ASIC2: variants seen among roughly 807,000 people sequenced by gnomAD.
ASIC2 encodes the protein acid-sensing ion channel 2.
A neutral mutation model predicts 57.3 loss-of-function variants in ASIC2; 25 were observed. The ratio of observed to expected loss-of-function variants is 0.44; its 90% CI spans 0.32 to 0.61. The LOEUF is 0.61. Ranked by LOEUF, ASIC2 falls within the 20% of genes least tolerant of loss-of-function variation. The probability of loss-of-function intolerance (pLI) is 0.06; values close to 1 mark genes in which losing one functional copy is unlikely to be tolerated. For synonymous variants in ASIC2, 319 were observed against 307.5 expected (o/e 1.04, Z -0.39); for missense variants, 641 against 738.1 (o/e 0.87, Z 1.52).
chr17:33,223,818 C>G lies in ASIC2; in HGVS notation c.708+67590G>C, dbSNP rs1268457454. On this transcript the variant is annotated intron_variant, in intron 1 of 9. Transcript: ENST00000225823. Reference sequence around the variant, plus strand: ...GCACCCCAAATCTTACTAGGAGCCTCCTCCATGCCGGATGCTTTGCTAGGA... The same window carrying G: ...GCACCCCAAATCTTACTAGGAGCCTGCTCCATGCCGGATGCTTTGCTAGGA... 2.0e-5 allele frequency among the ~76,000 whole-genome samples: 3 copies of G among 152,192 alleles called. No homozygotes were observed. The East Asian group carries it at 5.8e-4, about 29-fold the overall frequency.
At chr17:33,552,873 G>A (rs1025472673) in intron 1 of ASIC2, among the ~76,000 whole-genome samples, 2 of 152,242 alleles carry the variant, frequency 1.3e-5, no homozygotes, top group Non-Finnish European at 2.9e-5. Context: ...TGGTGGAAAT[G>A]TTTCCCCAGG....
At chr17:34,067,767 T>A (rs930429843) in intron 1 of ASIC2, among the ~76,000 whole-genome samples, 4 of 152,200 alleles carry the variant, frequency 2.6e-5, no homozygotes, top group African/African-American at 9.6e-5. Context: ...AAGACATCCA[T>A]GATATGTTTT....
intron 1 of ASIC2, among the ~76,000 whole-genome samples, chr17:34,154,948 G>A (rs1598050332): frequency 1.3e-5 from 2 of 152,170 alleles, no homozygotes; most frequent in South Asian, 4.2e-4. Context: ...GTTATGCCTA[G>A]CAGCCCACTA....
At chr17:33,114,911 G>T (rs1221687821) in intron 1 of ASIC2, among the ~76,000 whole-genome samples, 1 of 152,206 alleles carries the variant, frequency 6.6e-6, no homozygotes, top group Non-Finnish European at 1.5e-5. Context: ...GTCTAGCGGG[G>T]TGCTAAGATC....
intron 1 of ASIC2, among the ~76,000 whole-genome samples, chr17:33,536,860 G>A (rs766907927): frequency 2.6e-5 from 4 of 152,104 alleles, no homozygotes; most frequent in Non-Finnish European, 4.4e-5. Context: ...TTAGCCAGGT[G>A]TGGTAGCACT....
chr17:33,027,344 G>C (rs1044385206), intron 4 of ASIC2, among the ~76,000 whole-genome samples: 3 of 152,170 alleles, frequency 2.0e-5, no homozygotes, highest in Non-Finnish European at 2.9e-5. Context: ...TGAACCAAAT[G>C]TCCAGTATAA....
intron 1 of ASIC2, among the ~76,000 whole-genome samples, chr17:33,240,872 A>G (rs187843934): frequency 2.1e-3 from 316 of 152,228 alleles, no homozygotes; most frequent in Non-Finnish European, 3.6e-3. Flanking sequence ...AAACAAACAA[A>G]CAAAAAAACA....
At chr17:33,718,630 G>GC (rs1353485495) in intron 1 of ASIC2, among the ~76,000 whole-genome samples, 1 of 152,166 alleles carries the variant, frequency 6.6e-6, no homozygotes, top group Admixed American at 6.5e-5. Context: ...GCAGACACCT[G>GC]TTTTTGCTCC....
intron 1 of ASIC2, among the ~76,000 whole-genome samples, chr17:33,544,420 T>C (rs1474108251): frequency 6.6e-6 from 1 of 152,230 alleles, no homozygotes; most frequent in Non-Finnish European, 1.5e-5. Context: ...TGGAAATTCC[T>C]GGGTCTCAGG....
chr17:33,055,579 A>G (rs765841), intron 3 of ASIC2, among the ~76,000 whole-genome samples: 61,973 of 152,020 alleles, frequency 0.41, 13,528 homozygotes, highest in East Asian at 0.65. Flanking sequence ...TGGCATGATC[A>G]TAGCTCACTG....
chr17:33,102,210 C>T (rs2092214656), intron 2 of ASIC2, among the ~76,000 whole-genome samples: 1 of 152,176 alleles, frequency 6.6e-6, no homozygotes, highest in African/African-American at 2.4e-5. Flanking sequence ...AAACCAAATT[C>T]TACTCTCACA....
rs1369272648 is a variant in ASIC2 at position 33,418,024 on chromosome 17, ATGTATGTGTGTGTGTGTG to A, written c.556-305975_556-305958del. Among the ~76,000 whole-genome samples, 37 of 110,248 alleles carry A rather than the reference ATGTATGTGTGTGTGTGTG, an allele frequency of 3.4e-4. 1 individual carries two copies. The highest frequency in any genetic ancestry group is 6.2e-4 in the Non-Finnish European group (29 of 46,470). The allele number at this position is 110,248 out of a possible 152,430, so 72.3% of individuals were successfully genotyped here. On this transcript the variant is annotated intron_variant, in intron 1 of 9. Transcript: ENST00000359872. Reference sequence around the variant, plus strand: ...GGCCCCACTCTGGCTCTCAGCATGTATGTATGTGTGTGTGTGTGTGTGTGTGTGTGTGTGTGTGTGTGT... The same window carrying A: ...GGCCCCACTCTGGCTCTCAGCATGTATGTGTGTGTGTGTGTGTGTGTGTGT...
At chr17:33,545,642 C>T (rs1309727593) in intron 1 of ASIC2, among the ~76,000 whole-genome samples, 2 of 152,062 alleles carry the variant, frequency 1.3e-5, no homozygotes, top group Non-Finnish European at 1.5e-5. Context: ...TTCTCTTTAC[C>T]ATAGCTATTG....
intron 1 of ASIC2, among the ~76,000 whole-genome samples, chr17:33,976,035 T>C (rs1905373197): frequency 6.6e-6 from 1 of 151,752 alleles, no homozygotes; most frequent in Admixed American, 6.6e-5. Flanking sequence ...TTTTTAAACT[T>C]CTCTGCCCTC....
intron 1 of ASIC2, chr17:33,935,693 C>CCTGGGGTCAT (rs1224177821): frequency 6.6e-6 from 1 of 152,146 alleles, no homozygotes; most frequent in East Asian, 1.9e-4. Context: ...AAATCCCTCT[C>CCTGGGGTCAT]CTGGGGTCAT....
rs373531525 is a variant in ASIC2 at position 33,507,585 on chromosome 17, CT to C, written c.556-395519del. 6.7e-3 allele frequency among the ~76,000 whole-genome samples: 1,000 copies of C among 149,160 alleles called. 11 individuals are homozygous for C. Among genetic ancestry groups the C allele is most frequent in the African/African-American group, 0.023 (951 of 40,906 alleles). On this transcript the variant is annotated intron_variant, in intron 1 of 9. Transcript: ENST00000359872. ...TATGCTTTCATTCTCATCGTTTTCTCTTTTTTTTTTGTTGCAACCCTTTAAA... is the reference window on the plus strand; with the variant it reads ...TATGCTTTCATTCTCATCGTTTTCTCTTTTTTTTTGTTGCAACCCTTTAAA...
At chr17:33,678,584 C>T (rs1290529814) in intron 1 of ASIC2, among the ~76,000 whole-genome samples, 4 of 151,998 alleles carry the variant, frequency 2.6e-5, no homozygotes, top group East Asian at 1.9e-4. Context: ...AGTCCACAGC[C>T]GATCACTACA....
At chr17:33,560,821 C>T (rs1231636659) in intron 1 of ASIC2, among the ~76,000 whole-genome samples, 16 of 152,098 alleles carry the variant, frequency 1.1e-4, no homozygotes, top group Admixed American at 1.0e-3. Context: ...TTATTCTTAT[C>T]TTAGAAGTGA....
At chr17:33,453,826 T>C (rs563769999) in intron 1 of ASIC2, among the ~76,000 whole-genome samples, 2 of 152,338 alleles carry the variant, frequency 1.3e-5, no homozygotes, top group South Asian at 4.1e-4. Context: ...ATCTGCTTCC[T>C]GTCACTGTGG....
Sources: allele counts gnomAD v4.1 joint callset (sites outside exome capture counted in the v4.1 genomes callset), GRCh38; gene constraint gnomAD v4.1.1; transcripts MANE v1.5; gene names NCBI Gene and HGNC (gene_info 2026-07-23, HGNC 2026-07-21).